ADK: variants seen among roughly 807,000 people sequenced by gnomAD.
ADK encodes the protein N6,N6-dimethyladenosine kinase.
A neutral mutation model predicts 44.7 loss-of-function variants in ADK; 24 were observed. The observed-to-expected ratio is 0.54, with a 90% CI of 0.39 to 0.76. The LOEUF is 0.76. Among genes scored for constraint, ADK ranks in the 30% least tolerant of loss-of-function variants. The pLI is 0.00. For synonymous variants in ADK, 128 were observed against 142.6 expected, an observed-to-expected ratio of 0.90 and a Z score of 0.73; for missense variants, 321 against 425.1, an observed-to-expected ratio of 0.76 and a Z score of 2.15.
chr10:74,175,844 T>A (rs544780514), intron 1 of ADK, among the ~76,000 whole-genome samples: 15 of 152,390 alleles, frequency 9.8e-5, no homozygotes, highest in African/African-American at 3.6e-4. Flanking sequence ...AAGCATTTAC[T>A]GATTCCCCCC....
chr10:74,494,056 T>G (rs1238072647), intron 6 of ADK, among the ~76,000 whole-genome samples: 2 of 152,180 alleles, frequency 1.3e-5, no homozygotes, highest in African/African-American at 4.8e-5. Context: ...TACTGAATGA[T>G]GAAATAGAAT....
intron 6 of ADK, among the ~76,000 whole-genome samples, chr10:74,442,504 G>A (rs1845453851): frequency 6.6e-6 from 1 of 152,074 alleles, no homozygotes; most frequent in South Asian, 2.1e-4. Context: ...AAATTAGCTG[G>A]GCGTGGTAGC....
chr10:74,497,865 A>G (rs538072277), intron 6 of ADK, among the ~76,000 whole-genome samples: 5 of 152,004 alleles, frequency 3.3e-5, no homozygotes, highest in Non-Finnish European at 7.4e-5. Flanking sequence ...TGCTACCTAC[A>G]AGAGTTGAGG....
intron 3 of ADK, among the ~76,000 whole-genome samples, chr10:74,231,292 G>T (rs1360008450): frequency 1.3e-5 from 2 of 152,092 alleles, no homozygotes; most frequent in Non-Finnish European, 2.9e-5. Flanking sequence ...AATAGAATTA[G>T]TTTTTTCTTT....
intron 8 of ADK, among the ~76,000 whole-genome samples, chr10:74,595,240 T>C (rs1228767642): frequency 6.6e-6 from 1 of 150,866 alleles, no homozygotes; most frequent in African/African-American, 2.4e-5. Flanking sequence ...ATACATTATG[T>C]AGCCAGAACC....
chr10:74,252,595 A>G (rs1446474708), intron 3 of ADK, among the ~76,000 whole-genome samples: 2 of 152,216 alleles, frequency 1.3e-5, no homozygotes, highest in East Asian at 3.8e-4. Context: ...GATCTTATAT[A>G]TGTTAAAGGT....
chr10:74,590,435 G>A (rs1005810157), intron 8 of ADK, among the ~76,000 whole-genome samples: 1 of 152,088 alleles, frequency 6.6e-6, no homozygotes, highest in Middle Eastern at 3.2e-3. Flanking sequence ...AAGCAGCAAA[G>A]TAATACATGT....
At chr10:74,491,424 T>A (rs549462042) in intron 6 of ADK, among the ~76,000 whole-genome samples, 24 of 152,148 alleles carry the variant, frequency 1.6e-4, no homozygotes, top group Middle Eastern at 3.2e-3. Context: ...TTTATTTTAT[T>A]ATGAAAGTTT....
intron 10 of ADK, among the ~76,000 whole-genome samples, chr10:74,702,581 T>TTC: frequency 6.6e-6 from 1 of 150,458 alleles, no homozygotes; most frequent in Admixed American, 6.7e-5. Flanking sequence ...CCTCTCTCTC[T>TTC]CTCTGGTCTC....
At chr10:74,346,489 AT>A (rs937128452) in intron 4 of ADK, among the ~76,000 whole-genome samples, 3 of 151,626 alleles carry the variant, frequency 2.0e-5, no homozygotes, top group Non-Finnish European at 2.9e-5. Context: ...TTATATTTTG[AT>A]TTTTTTCTAT....
At chr10:74,283,383 G>A (rs949494875) in intron 3 of ADK, among the ~76,000 whole-genome samples, 1 of 151,358 alleles carries the variant, frequency 6.6e-6, no homozygotes, top group African/African-American at 2.4e-5. Flanking sequence ...TGAGTGGCAT[G>A]CTCGGTTATT....
chr10:74,458,222 C>T (rs892200181), intron 6 of ADK, among the ~76,000 whole-genome samples: 2 of 141,054 alleles, frequency 1.4e-5, no homozygotes, highest in Admixed American at 1.5e-4. Flanking sequence ...GCCTCAGCCT[C>T]ACAGGCCCAA....
At chr10:74,471,075 C>CTTTTTT (rs111981819) in intron 6 of ADK, among the ~76,000 whole-genome samples, 2 of 144,592 alleles carry the variant, frequency 1.4e-5, no homozygotes, top group Non-Finnish European at 3.0e-5. Flanking sequence ...TATACTTTTT[C>CTTTTTT]TTTTTTTTTT....
intron 10 of ADK, among the ~76,000 whole-genome samples, chr10:74,700,589 A>G (rs948421547): frequency 6.6e-6 from 1 of 152,162 alleles, no homozygotes; most frequent in Non-Finnish European, 1.5e-5. Context: ...GTAAGAGAGC[A>G]TATATAGTGT....
At chr10:74,198,754 T>C (rs1343744349) in intron 1 of ADK, among the ~76,000 whole-genome samples, 1 of 152,214 alleles carries the variant, frequency 6.6e-6, no homozygotes, top group Non-Finnish European at 1.5e-5. Flanking sequence ...TTTCTTTTAT[T>C]TGGATTGGAA....
intron 4 of ADK, among the ~76,000 whole-genome samples, chr10:74,376,863 A>T (rs1040523330): frequency 6.7e-6 from 1 of 149,948 alleles, no homozygotes; most frequent in Non-Finnish European, 1.5e-5. Context: ...TCACTTTCTG[A>T]ATTTGGTTAG....
intron 3 of ADK, among the ~76,000 whole-genome samples, chr10:74,300,147 G>A (rs1839956932): frequency 6.6e-6 from 1 of 151,334 alleles, no homozygotes; most frequent in South Asian, 2.1e-4. Flanking sequence ...AGCTCCCAAA[G>A]TGTTGGGATT....
intron 4 of ADK, among the ~76,000 whole-genome samples, chr10:74,340,369 A>G (rs1486630894): frequency 6.6e-6 from 1 of 152,142 alleles, no homozygotes; most frequent in African/African-American, 2.4e-5. Flanking sequence ...TTTGAGTAGT[A>G]TGACAATCTT....
intron 10 of ADK, among the ~76,000 whole-genome samples, chr10:74,671,459 G>A (rs894945695): frequency 6.6e-6 from 1 of 152,138 alleles, no homozygotes; most frequent in African/African-American, 2.4e-5. Flanking sequence ...GATGCCCCAT[G>A]CCCTTGTTCT....
Sources: allele counts gnomAD v4.1 joint callset (sites outside exome capture counted in the v4.1 genomes callset), GRCh38; gene constraint gnomAD v4.1.1; transcripts MANE v1.5; gene names NCBI Gene and HGNC (gene_info 2026-07-23, HGNC 2026-07-21).